The following LIN7A variants were observed in gnomAD, a reference collection of about 807,000 sequenced individuals.
The protein encoded by LIN7A is protein lin-7 homolog A.
LIN7A carries 25 observed loss-of-function variants against 29.8 expected under a neutral mutation model. The observed-to-expected ratio is 0.84, with a 90% CI of 0.61 to 1.17. LIN7A has a LOEUF of 1.17. Among genes scored for constraint, LIN7A ranks in the 50% most tolerant of loss-of-function variants. LIN7A has a pLI of 0.00. For missense variants in LIN7A, 239 were observed against 287.0 expected (o/e 0.83, Z 1.21); for synonymous variants, 118 against 107.5 (o/e 1.10, Z -0.60).
intron 5 of LIN7A, among the ~76,000 whole-genome samples, chr12:80,804,217 C>T (rs1870861347): frequency 6.6e-6 from 1 of 152,078 alleles, no homozygotes; most frequent in Non-Finnish European, 1.5e-5. Flanking sequence ...CTTTGTGTTA[C>T]AAACAATCCA....
intron 4 of LIN7A, chr12:80,842,081 G>A (rs1872848785): frequency 7.8e-7 from 1 of 1,286,634 alleles, no homozygotes; most frequent in South Asian, 1.2e-5. Context: ...CTCTCCCAAT[G>A]ATTGCTGAGC....
intron 5 of LIN7A, among the ~76,000 whole-genome samples, chr12:80,801,513 C>T (rs148873192): frequency 8.1e-4 from 123 of 152,140 alleles, no homozygotes; most frequent in Admixed American, 1.4e-3. Flanking sequence ...ATTGTATATT[C>T]AATTGGCAAA....
chr12:80,805,411 A>G (rs1486245453), intron 5 of LIN7A, among the ~76,000 whole-genome samples: 1 of 152,128 alleles, frequency 6.6e-6, no homozygotes, highest in Non-Finnish European at 1.5e-5. Context: ...GGGGGTCTTT[A>G]GAGTGGGAGG....
At chr12:80,854,739 A>G (rs572635206) in intron 2 of LIN7A, among the ~76,000 whole-genome samples, 12 of 152,210 alleles carry the variant, frequency 7.9e-5, no homozygotes, top group African/African-American at 2.6e-4. Context: ...AAGTAGAACT[A>G]TTACTGTCTA....
intron 1 of LIN7A, among the ~76,000 whole-genome samples, chr12:80,903,187 TATA>T (rs1336899279): frequency 1.3e-5 from 2 of 151,914 alleles, no homozygotes; most frequent in African/African-American, 4.8e-5. Flanking sequence ...TACTCTATTT[TATA>T]ATAATAAAAT....
At chr12:80,852,449 A>C (rs1873380322) in intron 2 of LIN7A, among the ~76,000 whole-genome samples, 1 of 152,160 alleles carries the variant, frequency 6.6e-6, no homozygotes, top group African/African-American at 2.4e-5. Flanking sequence ...GTAACCTACT[A>C]TCTGTGTACC....
intron 5 of LIN7A, among the ~76,000 whole-genome samples, chr12:80,803,432 A>C (rs892028470): frequency 6.6e-6 from 1 of 152,188 alleles, no homozygotes; most frequent in Non-Finnish European, 1.5e-5. Flanking sequence ...AAATCAATTA[A>C]CTGTAAATAT....
intron 4 of LIN7A, among the ~76,000 whole-genome samples, chr12:80,825,666 C>T (rs183388165): frequency 1.6e-4 from 24 of 152,306 alleles, no homozygotes; most frequent in Admixed American, 7.8e-4. Context: ...ATACATCATC[C>T]TATCTCCTCT....
rs1332212909 is a variant in LIN7A, at chr12:80,796,771, G to T, written c.*956C>A. The T allele has an allele frequency of 6.6e-6, 1 of 152,124 alleles. No individual in the cohort carries two copies. Among genetic ancestry groups the T allele is most frequent in the Admixed American group, 6.6e-5 (1 of 15,266 alleles). The allele number at this position is 152,124 out of a possible 1,614,324, so 9.4% of individuals were successfully genotyped here. A position where few individuals can be genotyped will look rare whatever the true frequency, so the allele number is the denominator to read the frequency against. On this transcript the variant is annotated 3_prime_UTR_variant, in exon 6 of 6. Coordinates refer to ENST00000552864, the MANE Select transcript of LIN7A (RefSeq NM_004664.4). ...TAGGCTTCTATGACAGCACATCAGT[G>T]TGAGTAGAGTTTAGATTTCTTCAGT... is the stretch of plus-strand genomic sequence containing the variant.
intron 1 of LIN7A, among the ~76,000 whole-genome samples, chr12:80,902,865 C>G (rs1429670856): frequency 1.3e-5 from 2 of 151,634 alleles, no homozygotes; most frequent in Non-Finnish European, 2.9e-5. Context: ...CTTTCTTTTG[C>G]CTGTTGCTCT....
At chr12:80,819,720 C>G (rs1260042606) in intron 4 of LIN7A, among the ~76,000 whole-genome samples, 1 of 124,022 alleles carries the variant, frequency 8.1e-6, no homozygotes, top group Non-Finnish European at 1.7e-5. Context: ...GTAAATTGGG[C>G]ATCATAGTGT....
chr12:80,842,674 C>A (rs1313243503), intron 4 of LIN7A, among the ~76,000 whole-genome samples: 1 of 151,724 alleles, frequency 6.6e-6, no homozygotes, highest in Non-Finnish European at 1.5e-5. Context: ...ATTATTTACA[C>A]TGATAAAACC....
At chr12:80,836,182 T>G (rs146146991) in intron 4 of LIN7A, among the ~76,000 whole-genome samples, 1 of 152,230 alleles carries the variant, frequency 6.6e-6, no homozygotes, top group Non-Finnish European at 1.5e-5. Flanking sequence ...AATCAGTTCT[T>G]CAGCCTCATC....
intron 2 of LIN7A, among the ~76,000 whole-genome samples, chr12:80,876,241 T>C (rs1325894663): frequency 6.6e-6 from 1 of 151,824 alleles, no homozygotes; most frequent in Non-Finnish European, 1.5e-5. Context: ...CTCTCACAGA[T>C]GAGTTAAATA....
chr12:80,824,406 C>G (rs1342022553), intron 4 of LIN7A, among the ~76,000 whole-genome samples: 1 of 151,894 alleles, frequency 6.6e-6, no homozygotes, highest in Non-Finnish European at 1.5e-5. Flanking sequence ...AGTCCAGGAC[C>G]AGATGGATTC....
chr12:80,807,442 C>T (rs574253418), intron 5 of LIN7A, among the ~76,000 whole-genome samples: 27 of 152,068 alleles, frequency 1.8e-4, no homozygotes, highest in Middle Eastern at 3.4e-3. Context: ...GCAAATAATT[C>T]TGGCCAAGTC....
intron 4 of LIN7A, among the ~76,000 whole-genome samples, chr12:80,819,097 TGA>T (rs964916101): frequency 1.3e-5 from 2 of 152,200 alleles, no homozygotes; most frequent in South Asian, 2.1e-4. Context: ...TGGGATATTT[TGA>T]GAGAGAGAAT....
At chr12:80,863,642 G>A (rs1404657622) in intron 2 of LIN7A, among the ~76,000 whole-genome samples, 3 of 152,194 alleles carry the variant, frequency 2.0e-5, no homozygotes, top group African/African-American at 7.2e-5. Context: ...GTAGTAACAT[G>A]TGAAAACATA....
At chr12:80,814,978 T>C (rs901774003) in intron 4 of LIN7A, among the ~76,000 whole-genome samples, 18 of 152,320 alleles carry the variant, frequency 1.2e-4, no homozygotes, top group Non-Finnish European at 2.5e-4. Flanking sequence ...CTACAAATTA[T>C]ATAATTAAGC....
Sources: allele counts gnomAD v4.1 joint callset (sites outside exome capture counted in the v4.1 genomes callset), GRCh38; gene constraint gnomAD v4.1.1; transcripts MANE v1.5; gene names NCBI Gene and HGNC (gene_info 2026-07-23, HGNC 2026-07-21).